Variants in MET observed in about 807,000 individuals in gnomAD.
MET encodes MET proto-oncogene, receptor tyrosine kinase.
MET carries 48 observed loss-of-function variants against 133.1 expected under a neutral mutation model. That is an observed-to-expected ratio of 0.36 (90% CI 0.29 to 0.46). The LOEUF is 0.46. Among genes scored for constraint, MET ranks in the 20% least tolerant of loss-of-function variants. The probability of loss-of-function intolerance (pLI) is 1.00; values close to 1 mark genes in which losing one functional copy is unlikely to be tolerated. For missense variants in MET, 1,442 were observed against 1,695.9 expected (o/e 0.85, Z 2.63); for synonymous variants, 628 against 616.5 (o/e 1.02, Z -0.28).
intron 11 of MET, 78 bp downstream of exon 11, chr7:116,763,346 T>A: frequency 1.5e-6 from 2 of 1,298,646 alleles, no homozygotes; most frequent in South Asian, 1.2e-5. Context: ...ATACAATTGT[T>A]GTACTTGGCC....
At chr7:116,764,439 C>T (rs188965473) in intron 11 of MET, among the ~76,000 whole-genome samples, 3 of 151,946 alleles carry the variant, frequency 2.0e-5, no homozygotes, top group Non-Finnish European at 4.4e-5. Context: ...TCAACAATTA[C>T]TGTGTTTGCC....
intron 1 of MET, among the ~76,000 whole-genome samples, chr7:116,686,091 C>A (rs1373572705): frequency 6.6e-6 from 1 of 152,100 alleles, no homozygotes; most frequent in African/African-American, 2.4e-5. Context: ...GTCTTCTCTC[C>A]CATATGATCG....
At position 116,761,119 on chromosome 7, in the gene MET, C is replaced by T. The variant is rs1163165818; in HGVS notation, c.2364+1629C>T. ...TGGCATTAAAGTGACACTCAGAATGCCTTAGCTTCAGTCATTCATTTGTAA... is the reference window on the plus strand; with the variant it reads ...TGGCATTAAAGTGACACTCAGAATGTCTTAGCTTCAGTCATTCATTTGTAA... On this transcript the variant is annotated intron_variant, in intron 10 of 20. Coordinates refer to ENST00000397752, the MANE Select transcript of MET (RefSeq NM_000245.4). 2.6e-5 allele frequency among the ~76,000 whole-genome samples: 4 copies of T among 152,212 alleles called. No homozygotes were observed. In the East Asian group the frequency reaches 7.7e-4, roughly 29 times the overall value.
chr7:116,777,955 C>G (rs1795044936), intron 16 of MET, among the ~76,000 whole-genome samples: 1 of 152,164 alleles, frequency 6.6e-6, no homozygotes, highest in Admixed American at 6.5e-5. Context: ...CCTCATTTAT[C>G]CACATTTTTG....
At chr7:116,747,465 G>GGGT (rs1562914552) in intron 5 of MET, among the ~76,000 whole-genome samples, 1 of 152,052 alleles carries the variant, frequency 6.6e-6, no homozygotes, top group East Asian at 1.9e-4. Context: ...AAAAAAGCAG[G>GGGT]GGTTGCAATC....
chr7:116,795,405 AT>A (rs1335148121), intron 19 of MET, among the ~76,000 whole-genome samples: 2 of 152,228 alleles, frequency 1.3e-5, no homozygotes, highest in Admixed American at 6.5e-5. Context: ...TACAGATGGA[AT>A]CTTCATCATC....
intron 11 of MET, among the ~76,000 whole-genome samples, chr7:116,766,783 TAAAG>T (rs977252320): frequency 6.6e-6 from 1 of 152,174 alleles, no homozygotes; most frequent in Non-Finnish European, 1.5e-5. Flanking sequence ...TATCTAATAA[TAAAG>T]ATAGTAAAAA....
At chr7:116,735,307 TTAAG>T (rs1422037755) in intron 3 of MET, among the ~76,000 whole-genome samples, 1 of 152,206 alleles carries the variant, frequency 6.6e-6, no homozygotes, top group East Asian at 1.9e-4. Context: ...TAGTTGGATC[TTAAG>T]TAAGAAACCC....
intron 2 of MET, among the ~76,000 whole-genome samples, chr7:116,728,420 C>G (rs1792876495): frequency 6.6e-6 from 1 of 152,184 alleles, no homozygotes; most frequent in Admixed American, 6.5e-5. Context: ...ATAAATATTG[C>G]ATTAACTCTA....
intron 16 of MET, 64 bp from the exon 17 acceptor site, chr7:116,778,712 A>G: frequency 1.3e-6 from 2 of 1,552,634 alleles, no homozygotes; most frequent in Non-Finnish European, 1.8e-6. Flanking sequence ...CTTCCTATCT[A>G]AATTTGACAA....
At chr7:116,768,513 T>C (rs911987691) in intron 11 of MET, among the ~76,000 whole-genome samples, 6 of 152,194 alleles carry the variant, frequency 3.9e-5, no homozygotes, top group African/African-American at 1.4e-4. Context: ...GGATAGGGTT[T>C]GTCTATATCC....
intron 2 of MET, among the ~76,000 whole-genome samples, chr7:116,719,050 T>C (rs1792365165): frequency 2.6e-5 from 3 of 115,912 alleles, no homozygotes; most frequent in African/African-American, 1.0e-4. Flanking sequence ...TAGTTCTAGA[T>C]CCCTGAGGAA....
At chr7:116,745,349 A>T (rs1009937544) in intron 5 of MET, among the ~76,000 whole-genome samples, 1 of 152,220 alleles carries the variant, frequency 6.6e-6, no homozygotes, top group Non-Finnish European at 1.5e-5. Flanking sequence ...AAATGGCCAT[A>T]CTGCCCAAGG....
At chr7:116,769,581 C>G in intron 11 of MET, 64 bp from the exon 12 acceptor site, 1 of 1,582,504 alleles carries the variant, frequency 6.3e-7, no homozygotes, top group Admixed American at 1.7e-5. Context: ...ATTCCTTTGC[C>G]ATTGTTAGCA....
At chr7:116,771,473 A>T (rs571496301) in intron 12 of MET, 25 bp from the exon 13 acceptor site, 1 of 1,613,378 alleles carries the variant, frequency 6.2e-7, no homozygotes, top group African/African-American at 1.3e-5. Flanking sequence ...CTAAATGCTG[A>T]CTTTTCTTTA....
At chr7:116,739,732 T>C (rs1793369223) in intron 3 of MET, among the ~76,000 whole-genome samples, 1 of 152,168 alleles carries the variant, frequency 6.6e-6, no homozygotes, top group South Asian at 2.1e-4. Context: ...CATTAAAAGA[T>C]CATAGGCAAA....
chr7:116,769,784 A>G lies in MET; in HGVS notation c.2723A>G (p.Asn908Ser), dbSNP rs1478309975. The G allele has an allele frequency of 1.9e-6, 3 of 1,613,686 alleles. No homozygotes were observed. Among genetic ancestry groups the G allele is most frequent in the Admixed American group, 3.3e-5 (2 of 59,964 alleles). Residue 908 changes from asparagine to serine, a missense_variant, in exon 12 of 21, where the codon AAT becomes AGT. This residue lies in a region of MET where 514 missense variants were observed against 659.6 expected (regional missense o/e 0.78). Coordinates refer to ENST00000397752, the MANE Select transcript of MET (RefSeq NM_000245.4). ...CTGCTGAAATTGAACAGCGAGCTAA[A>G]TATAGAGGTGGGATTCCTGCATTCC... ...NDLLKLNSELNIEWKQAISST... is the reference protein window; with the variant it reads ...NDLLKLNSELSIEWKQAISST...
intron 5 of MET, among the ~76,000 whole-genome samples, chr7:116,741,504 T>TAA (rs1458548931): frequency 1.3e-5 from 2 of 152,176 alleles, no homozygotes; most frequent in Non-Finnish European, 2.9e-5. Flanking sequence ...AACCCTGAGC[T>TAA]GAATCCTGCA....
intron 3 of MET, among the ~76,000 whole-genome samples, chr7:116,734,916 A>G (rs1472848287): frequency 6.6e-6 from 1 of 152,202 alleles, no homozygotes; most frequent in Non-Finnish European, 1.5e-5. Flanking sequence ...TCTAATCTAC[A>G]TCCAGAACAA....
Sources: allele counts gnomAD v4.1 joint callset (sites outside exome capture counted in the v4.1 genomes callset), GRCh38; gene constraint gnomAD v4.1.1; regional missense constraint gnomAD v4.1.1; transcripts MANE v1.5; gene names NCBI Gene and HGNC (gene_info 2026-07-23, HGNC 2026-07-21).